Variants in PDE1C observed in about 807,000 individuals in gnomAD.
The protein encoded by PDE1C is phosphodiesterase 1C.
Under a neutral mutation model 93.1 loss-of-function variants are expected in PDE1C, and 62 were observed. The ratio of observed to expected loss-of-function variants is 0.67; its 90% CI spans 0.54 to 0.82. PDE1C has a LOEUF of 0.82. Among genes scored for constraint, PDE1C ranks in the 40% least tolerant of loss-of-function variants. The probability of loss-of-function intolerance (pLI) is 0.00; values close to 1 mark genes in which losing one functional copy is unlikely to be tolerated. For synonymous variants in PDE1C, 325 were observed against 310.1 expected, an observed-to-expected ratio of 1.05 and a Z score of -0.50; for missense variants, 742 against 884.6, an observed-to-expected ratio of 0.84 and a Z score of 2.04.
intron 2 of PDE1C, among the ~76,000 whole-genome samples, chr7:31,976,127 C>G (rs1811630515): frequency 6.6e-6 from 1 of 152,118 alleles, no homozygotes; most frequent in Non-Finnish European, 1.5e-5. Context: ...GAAGGAAAAT[C>G]AACATGTTAG....
chr7:31,795,127 T>C (rs191598856), intron 16 of PDE1C, among the ~76,000 whole-genome samples: 137 of 152,094 alleles, frequency 9.0e-4, no homozygotes, highest in African/African-American at 3.2e-3. Flanking sequence ...GCTTGAATAC[T>C]TGCTGAATAC....
chr7:31,645,613 C>T, the PDE1C span, among the ~76,000 whole-genome samples: 1 of 152,134 alleles, frequency 6.6e-6, no homozygotes, highest in African/African-American at 2.4e-5. Flanking sequence ...CCACCCACCA[C>T]CACCATCATC....
At chr7:31,892,665 T>TA in intron 2 of PDE1C, among the ~76,000 whole-genome samples, 1 of 150,890 alleles carries the variant, frequency 6.6e-6, no homozygotes, top group East Asian at 1.9e-4. Flanking sequence ...GTTCTGCTTC[T>TA]AAAAGTTTGA....
chr7:32,299,086 A>G (rs1190491945), exon 1 of PDE1C: 32 of 1,072,718 alleles, frequency 3.0e-5, no homozygotes, highest in Non-Finnish European at 3.5e-5. Flanking sequence ...TGGCCACGCT[A>G]CTCTCTGTCA....
chr7:31,763,991 A>T (rs1234097753), intron 17 of PDE1C, among the ~76,000 whole-genome samples: 2 of 148,378 alleles, frequency 1.3e-5, no homozygotes, highest in Non-Finnish European at 3.0e-5. Flanking sequence ...TATTATATAT[A>T]TTTTTATATA....
At chr7:32,361,728 AC>A (rs1335069253) in intron 1 of PDE1C, among the ~76,000 whole-genome samples, 2 of 152,050 alleles carry the variant, frequency 1.3e-5, no homozygotes, top group Non-Finnish European at 2.9e-5. Flanking sequence ...CTCCCCTGGC[AC>A]TTTGTACATC....
At chr7:32,173,647 G>A (rs772214518) in intron 2 of PDE1C, among the ~76,000 whole-genome samples, 5 of 152,128 alleles carry the variant, frequency 3.3e-5, no homozygotes, top group Admixed American at 6.5e-5. Flanking sequence ...TGGGCATGAA[G>A]GAGTGAGAAG....
intron 2 of PDE1C, among the ~76,000 whole-genome samples, chr7:32,023,742 T>C (rs1789029078): frequency 6.6e-6 from 1 of 151,984 alleles, no homozygotes; most frequent in African/African-American, 2.4e-5. Context: ...AGAGTAACAG[T>C]TGTCAAGGCT....
intron 2 of PDE1C, among the ~76,000 whole-genome samples, chr7:31,944,502 C>A (rs1486422814): frequency 6.6e-6 from 1 of 152,198 alleles, no homozygotes; most frequent in Non-Finnish European, 1.5e-5. Flanking sequence ...ACCTAACCAA[C>A]AACTGCCATT....
chr7:32,049,624 G>A (rs936998793), intron 2 of PDE1C, among the ~76,000 whole-genome samples: 9 of 152,068 alleles, frequency 5.9e-5, no homozygotes, highest in African/African-American at 1.7e-4. Flanking sequence ...TAGAAAAGGC[G>A]AGACTAAAGC....
At chr7:31,690,394 G>A in the PDE1C span, among the ~76,000 whole-genome samples, 5 of 152,290 alleles carry the variant, frequency 3.3e-5, no homozygotes, top group African/African-American at 9.6e-5. Context: ...GGGTAAGCTC[G>A]GGGGACAGAG....
At chr7:31,797,133 C>A (rs1355194606) in intron 16 of PDE1C, among the ~76,000 whole-genome samples, 1 of 151,698 alleles carries the variant, frequency 6.6e-6, no homozygotes, top group Non-Finnish European at 1.5e-5. Context: ...AAATGGGTCA[C>A]AGGAGTTTTC....
intron 3 of PDE1C, among the ~76,000 whole-genome samples, chr7:32,103,868 C>T (rs746890626): frequency 1.3e-5 from 2 of 151,670 alleles, no homozygotes; most frequent in Non-Finnish European, 2.9e-5. Context: ...TAGGATGCTA[C>T]CCAAATAATA....
At chr7:31,950,791 A>G (rs1196928978) in intron 2 of PDE1C, among the ~76,000 whole-genome samples, 2 of 152,132 alleles carry the variant, frequency 1.3e-5, no homozygotes, top group African/African-American at 2.4e-5. Flanking sequence ...ATAAAATCAA[A>G]CTAAGATTTT....
At chr7:32,303,883 C>G (rs1812936635), upstream of PDE1C, among the ~76,000 whole-genome samples, 1 of 152,072 alleles carries the variant, frequency 6.6e-6, no homozygotes, top group African/African-American at 2.4e-5. Context: ...CAAAGATCTC[C>G]CCATAACATA....
At chr7:32,159,623 C>A (rs1562533969) in intron 3 of PDE1C, among the ~76,000 whole-genome samples, 1 of 152,080 alleles carries the variant, frequency 6.6e-6, no homozygotes, top group Non-Finnish European at 1.5e-5. Flanking sequence ...TAGCCCCAAG[C>A]CTGGTACTGG....
chr7:32,157,006 C>T (rs1475379353), intron 3 of PDE1C, among the ~76,000 whole-genome samples: 4 of 152,210 alleles, frequency 2.6e-5, no homozygotes, highest in Admixed American at 2.6e-4. Flanking sequence ...GAGAAGGACT[C>T]AGTGTCACTT....
chr7:31,778,977 G>T (rs1402053782), intron 16 of PDE1C, among the ~76,000 whole-genome samples: 3 of 152,068 alleles, frequency 2.0e-5, no homozygotes, highest in Admixed American at 2.0e-4. Context: ...CCATTGTCTG[G>T]GTTTCCTTCA....
At chr7:32,297,660 G>C (rs1812667722) in intron 1 of PDE1C, among the ~76,000 whole-genome samples, 1 of 152,102 alleles carries the variant, frequency 6.6e-6, no homozygotes, top group Admixed American at 6.5e-5. Context: ...CTCCCTGAAG[G>C]TCCCCAAAAC....
Sources: allele counts gnomAD v4.1 joint callset (sites outside exome capture counted in the v4.1 genomes callset), GRCh38; gene constraint gnomAD v4.1.1; transcripts MANE v1.5; gene names NCBI Gene and HGNC (gene_info 2026-07-23, HGNC 2026-07-21).